IFT172: variants seen among roughly 807,000 people sequenced by gnomAD.
IFT172 encodes the protein intraflagellar transport 172.
Under a neutral mutation model 248.9 loss-of-function variants are expected in IFT172, and 164 were observed. The observed-to-expected ratio is 0.66, with a 90% CI of 0.58 to 0.75. IFT172 has a LOEUF of 0.75. Ranked by LOEUF, IFT172 falls within the 30% of genes least tolerant of loss-of-function variation. The pLI, the probability that IFT172 is intolerant of heterozygous loss-of-function variation, is 0.00. For missense variants in IFT172, 1,950 were observed against 2,192.4 expected (o/e 0.89, Z 2.21); for synonymous variants, 729 against 791.6 (o/e 0.92, Z 1.33).
chr2:27,452,290 C>A (rs1441861087), intron 35 of IFT172, among the ~76,000 whole-genome samples: 1 of 152,172 alleles, frequency 6.6e-6, no homozygotes, highest in Admixed American at 6.6e-5. Flanking sequence ...CAGATTTGAA[C>A]TGAAACATCA....
At chr2:27,455,787 C>A (rs1389730231) in intron 30 of IFT172, 2 of 478,670 alleles carry the variant, frequency 4.2e-6, no homozygotes, top group East Asian at 5.6e-5. Flanking sequence ...TACTGACAAC[C>A]TCAGTTGGCA....
rs762114339 is a variant in IFT172 at position 27,445,081 on chromosome 2, A to G, written c.5093T>C (p.Ile1698Thr). Residue 1698 changes from isoleucine (I) to threonine (T), a missense_variant, in exon 47 of 48, where the codon ATT becomes ACT. Physicochemically the swap from Ile to Thr is moderately conservative, Grantham distance 89. Transcript: ENST00000260570. This position sits in a 1 kb window ranked among gnomAD's most constrained non-coding sequence, Gnocchi z 4.4. ...ITGYPILRNKIEFKRPGKAAN... is the reference protein window; with the variant it reads ...ITGYPILRNKTEFKRPGKAAN... ...AGCCTTCCCTGGCCGCTTAAATTCA[A>G]TTTTGTTCCTCAGAATGGGGTATCC... is the stretch of plus-strand genomic sequence containing the variant. 2 of 1,614,048 alleles carry G rather than the reference A, an allele frequency of 1.2e-6. No individual in the cohort carries two copies. Among genetic ancestry groups the G allele is most frequent in the Non-Finnish European group, 1.7e-6 (2 of 1,180,020 alleles).
chr2:27,455,894 T>C, intron 30 of IFT172: 1 of 368,562 alleles, frequency 2.7e-6, no homozygotes, highest in Non-Finnish European at 5.2e-6. Flanking sequence ...ATAAAATGCT[T>C]CACGGACTCT....
At chr2:27,466,907 T>C (rs1315920751) in intron 16 of IFT172, among the ~76,000 whole-genome samples, 1 of 152,058 alleles carries the variant, frequency 6.6e-6, no homozygotes, top group Non-Finnish European at 1.5e-5. Context: ...TCCCAGCTAC[T>C]CAGGAGGCTG....
chr2:27,463,534 T>C (rs1436245930), intron 18 of IFT172, among the ~76,000 whole-genome samples: 1 of 151,220 alleles, frequency 6.6e-6, no homozygotes, highest in African/African-American at 2.4e-5. Flanking sequence ...TTTCTCTTTT[T>C]TTTTTTTTTT....
chr2:27,489,444 C>A (rs1669005019), intron 1 of IFT172, among the ~76,000 whole-genome samples, 171 bp downstream of exon 1: 1 of 152,210 alleles, frequency 6.6e-6, no homozygotes, highest in African/African-American at 2.4e-5. Context: ...AAGTCCTTAG[C>A]CCTGCATCTC....
chr2:27,445,014 C>G lies in IFT172; in HGVS notation c.5160G>C (p.Lys1720Asn), dbSNP rs751766272. 1.9e-6 allele frequency: 3 copies of G among 1,613,826 alleles called. No individual in the cohort carries two copies. The highest frequency in any genetic ancestry group is 1.7e-5 in the Admixed American group (1 of 59,966). ...CATTCTCCAAGTCCTCCTCTCTAAC[C>G]TTGATGGCCATAAGGAATTTATTCC... is the stretch of plus-strand genomic sequence containing the variant. ...DNWNKFLMAI[K>N]TSHSPVCQDV... is the part of the protein sequence containing the mutation. Residue 1720 changes from lysine to asparagine, a missense_variant and splice_region_variant, in exon 47 of 48, where the codon AAG (lysine) becomes AAC (asparagine). Lys to Asn is a moderately conservative substitution (Grantham distance 94). Coordinates refer to ENST00000260570, the MANE Select transcript of IFT172 (RefSeq NM_015662.3). The surrounding 1 kb of genome is among the most constrained non-coding windows in gnomAD (Gnocchi z 4.4).
intron 16 of IFT172, among the ~76,000 whole-genome samples, chr2:27,470,230 G>A (rs79498567): frequency 0.022 from 3,265 of 150,454 alleles, 137 homozygotes; most frequent in African/African-American, 0.076. Flanking sequence ...GGAGATAGTG[G>A]GAGACCCTGT....
chr2:27,483,461 G>A (rs1572831964), intron 6 of IFT172, 85 bp from the exon 7 acceptor site: 1 of 1,392,092 alleles, frequency 7.2e-7, no homozygotes, highest in East Asian at 2.3e-5. Context: ...ACACAACCTT[G>A]TCTGTGCTTC....
At position 27,454,449 on chromosome 2, in the gene IFT172, T is replaced by A. The variant is rs1250111301; in HGVS notation, c.3466-31A>T. 2 of 1,614,062 alleles carry A rather than the reference T, an allele frequency of 1.2e-6. No homozygotes were observed. ...GGGAGAGAAAGGCAGCCGTGCATGA[T>A]GAGAAGGAGACTGGCATCACAGGCA... On this transcript the variant is annotated intron_variant, in intron 31 of 47. Transcript: ENST00000260570. The surrounding 1 kb of genome is among the most constrained non-coding windows in gnomAD (Gnocchi z 4.2).
intron 1 of IFT172, among the ~76,000 whole-genome samples, chr2:27,487,833 C>T (rs1476502160): frequency 1.3e-5 from 2 of 152,156 alleles, no homozygotes; most frequent in Non-Finnish European, 2.9e-5. Flanking sequence ...GATCTGCCTG[C>T]CTCGGCCTCC....
At chr2:27,448,678 A>G (rs1453628906) in intron 40 of IFT172, among the ~76,000 whole-genome samples, 2 of 152,056 alleles carry the variant, frequency 1.3e-5, no homozygotes, top group Non-Finnish European at 2.9e-5. Flanking sequence ...CAGCATGGGG[A>G]GCTCCACGGG....
intron 47 of IFT172, 129 bp from the exon 48 acceptor site, chr2:27,444,650 GTTTT>G: frequency 3.2e-6 from 2 of 620,952 alleles, no homozygotes; most frequent in Non-Finnish European, 5.2e-6. Context: ...GTGTATGTGG[GTTTT>G]TTGTTTGTTT....
At chr2:27,457,815 T>C (rs377193212) in intron 28 of IFT172, 26 bp downstream of exon 28, 50 of 1,613,882 alleles carry the variant, frequency 3.1e-5, no homozygotes, top group Non-Finnish European at 3.9e-5. Flanking sequence ...GGGGAAGAGA[T>C]AGGGAGAGCC....
chr2:27,446,772 T>G (rs2148470299), intron 42 of IFT172, among the ~76,000 whole-genome samples: 1 of 140,256 alleles, frequency 7.1e-6, no homozygotes, highest in African/African-American at 2.6e-5. Flanking sequence ...CAATCTCGGC[T>G]CACTGCAAGC....
chr2:27,461,877 TATG>T (rs761565407), intron 20 of IFT172, 41 bp from the exon 21 acceptor site: 1 of 1,610,744 alleles, frequency 6.2e-7, no homozygotes, highest in Non-Finnish European at 8.5e-7. Flanking sequence ...ACCAGAAAGA[TATG>T]AGGATCAGAA....
chr2:27,483,499 C>A, intron 6 of IFT172, 81 bp downstream of exon 6: 1 of 1,500,832 alleles, frequency 6.7e-7, no homozygotes, highest in East Asian at 2.3e-5. Flanking sequence ...GCCTTTCATA[C>A]TATGGTCTTG....
chr2:27,461,094 C>A lies in IFT172; in HGVS notation c.2443-1G>T. 6.2e-7 allele frequency: 1 copy of A among 1,614,014 alleles called. No homozygotes were observed. Among genetic ancestry groups the A allele is most frequent in the East Asian group, 2.2e-5 (1 of 44,892 alleles). On this transcript the variant is annotated splice_acceptor_variant, in intron 22 of 47. Transcript: ENST00000260570. LOFTEE classifies it high-confidence loss of function. ...GAATCTTCTCAAAGAGATCACCTGC[C>A]TGTTAACACATACCACATTACTATG...
At chr2:27,464,925 A>AT (rs576114900) in intron 18 of IFT172, among the ~76,000 whole-genome samples, 65,990 of 142,140 alleles carry the variant, frequency 0.46, 16,288 homozygotes, top group African/African-American at 0.66. Context: ...GCCAAGACAT[A>AT]TTTTTTTTTT....
Sources: allele counts gnomAD v4.1 joint callset (sites outside exome capture counted in the v4.1 genomes callset), GRCh38; gene constraint gnomAD v4.1.1; non-coding constraint Gnocchi (gnomAD v3.1); transcripts MANE v1.5; gene names NCBI Gene and HGNC (gene_info 2026-07-23, HGNC 2026-07-21).